The following SLIT3 variants were observed in gnomAD, a reference collection of about 807,000 sequenced individuals.
SLIT3 encodes slit homolog 3 protein.
SLIT3 carries 68 observed loss-of-function variants against 184.0 expected under a neutral mutation model. The ratio of observed to expected loss-of-function variants is 0.37; its 90% CI spans 0.30 to 0.45. The LOEUF (loss-of-function observed/expected upper bound fraction) is 0.45, where lower values mean the gene tolerates loss of function less well. Ranked by LOEUF, SLIT3 falls within the 20% of genes least tolerant of loss-of-function variation. The pLI is 1.00. For synonymous variants in SLIT3, 831 were observed against 828.6 expected, an observed-to-expected ratio of 1.00 and a Z score of -0.05; for missense variants, 1,707 against 2,026.0, an observed-to-expected ratio of 0.84 and a Z score of 3.02.
At chr5:169,023,408 G>C (rs57839638) in intron 4 of SLIT3, among the ~76,000 whole-genome samples, 4 of 152,030 alleles carry the variant, frequency 2.6e-5, no homozygotes, top group African/African-American at 9.7e-5. Context: ...TCATTAAAAG[G>C]ATAATTGTAA....
intron 3 of SLIT3, among the ~76,000 whole-genome samples, chr5:169,233,365 T>A (rs904024235): frequency 3.3e-5 from 5 of 151,912 alleles, no homozygotes; most frequent in Non-Finnish European, 4.4e-5. Flanking sequence ...TAGTTTTTTT[T>A]AATTTCCCAA....
intron 4 of SLIT3, among the ~76,000 whole-genome samples, chr5:169,153,004 C>T (rs916101398): frequency 2.6e-5 from 4 of 152,228 alleles, no homozygotes; most frequent in Non-Finnish European, 5.9e-5. Flanking sequence ...AGGTTAAAAG[C>T]ATTCTAAAAA....
At chr5:169,125,910 C>T (rs1761062180) in intron 4 of SLIT3, among the ~76,000 whole-genome samples, 1 of 152,174 alleles carries the variant, frequency 6.6e-6, no homozygotes, top group African/African-American at 2.4e-5. Context: ...CAGCTTGCTA[C>T]AAGCTGAAAT....
intron 7 of SLIT3, among the ~76,000 whole-genome samples, chr5:168,821,214 C>A (rs1207647831): frequency 1.3e-5 from 2 of 152,218 alleles, no homozygotes; most frequent in Non-Finnish European, 2.9e-5. Context: ...GCAGCCCAAA[C>A]AAAGTACCCC....
chr5:168,671,121 C>T, intron 34 of SLIT3, 77 bp downstream of exon 34: 1 of 1,492,098 alleles, frequency 6.7e-7, no homozygotes, highest in South Asian at 1.2e-5. Context: ...TCCAGTAGTG[C>T]CTATTTCTCA....
intron 5 of SLIT3, among the ~76,000 whole-genome samples, chr5:168,853,509 T>C (rs1441000507): frequency 1.3e-5 from 2 of 152,186 alleles, no homozygotes; most frequent in African/African-American, 2.4e-5. Flanking sequence ...ACATGATAAA[T>C]TGTAGCAATC....
intron 4 of SLIT3, among the ~76,000 whole-genome samples, chr5:169,187,624 G>A (rs963356041): frequency 3.4e-5 from 5 of 145,766 alleles, no homozygotes; most frequent in African/African-American, 1.0e-4. Flanking sequence ...GCACAATCTC[G>A]GCTAACTGCC....
In SLIT3 at chr5:169,157,094, TCC is replaced by T. The variant is rs1762336182; in HGVS notation, c.413+36383_413+36384del. Among the ~76,000 whole-genome samples the T allele has an allele frequency of 2.6e-5, 4 of 152,176 alleles. No homozygotes were observed. The South Asian group carries it at 8.3e-4, about 32-fold the overall frequency. ...GGGAGCCTAGACAAAGTACCCCAAG[TCC>T]CTGCTGGAGTAGTATCAGAGAAGGC... is the stretch of plus-strand genomic sequence containing the variant. On this transcript the variant is annotated intron_variant, in intron 4 of 35. Coordinates refer to ENST00000519560, the MANE Select transcript of SLIT3 (RefSeq NM_003062.4).
At chr5:169,089,318 AGT>A (rs1446868234) in intron 4 of SLIT3, among the ~76,000 whole-genome samples, 3 of 152,112 alleles carry the variant, frequency 2.0e-5, no homozygotes, top group Non-Finnish European at 4.4e-5. Flanking sequence ...TCTTCCTGAG[AGT>A]GTCTAAAGCC....
At chr5:169,235,404 A>G (rs1283293597) in intron 3 of SLIT3, among the ~76,000 whole-genome samples, 3 of 152,192 alleles carry the variant, frequency 2.0e-5, no homozygotes, top group African/African-American at 7.2e-5. Context: ...AACTTTTTAT[A>G]TTAGAATAGA....
At chr5:168,944,818 T>C (rs1370971387) in intron 4 of SLIT3, among the ~76,000 whole-genome samples, 2 of 152,184 alleles carry the variant, frequency 1.3e-5, no homozygotes, top group Non-Finnish European at 2.9e-5. Flanking sequence ...GTATGGTGAC[T>C]TGATGGCTCT....
chr5:169,000,150 T>C (rs757142890), intron 4 of SLIT3, among the ~76,000 whole-genome samples: 15 of 151,996 alleles, frequency 9.9e-5, no homozygotes, highest in Non-Finnish European at 2.2e-4. Flanking sequence ...TCCCAGCACT[T>C]TGGGAGGCTG....
At chr5:169,263,540 T>G (rs1581115906) in intron 1 of SLIT3, 16 of 417,536 alleles carry the variant, frequency 3.8e-5, no homozygotes, top group South Asian at 2.8e-4. Flanking sequence ...AATTTCAGAT[T>G]GCGAGGCTCC....
At chr5:168,795,606 TTA>T in intron 9 of SLIT3, 28 bp from the exon 10 acceptor site, 1 of 1,579,806 alleles carries the variant, frequency 6.3e-7, no homozygotes, top group Non-Finnish European at 8.7e-7. Context: ...GAAGAGTGAA[TTA>T]ACCATCCACC....
At chr5:168,713,141 T>C (rs4868530) in intron 23 of SLIT3, among the ~76,000 whole-genome samples, 23,255 of 152,172 alleles carry the variant, frequency 0.15, 2,390 homozygotes, top group Non-Finnish European at 0.22. Context: ...CGAACACTCA[T>C]TGTTATGGAA....
At position 169,026,020 on chromosome 5, in the gene SLIT3, C is replaced by T. The variant is rs544886742; in HGVS notation, c.414-142684G>A. On this transcript the variant is annotated intron_variant, in intron 4 of 35. Transcript: ENST00000519560. ...CACCAGCCTGTCTCCTCTCCCCATG[C>T]TCTTGCTGGCATCCATTAGCCTTTG... Among the ~76,000 whole-genome samples the T allele has an allele frequency of 1.2e-4, 19 of 152,304 alleles. No individual in the cohort carries two copies. The South Asian group carries it at 3.7e-3, about 30-fold the overall frequency.
At chr5:168,674,728 G>A (rs565402292) in intron 32 of SLIT3, among the ~76,000 whole-genome samples, 18 of 152,096 alleles carry the variant, frequency 1.2e-4, no homozygotes, top group African/African-American at 3.4e-4. Flanking sequence ...CTGACCTCAC[G>A]TGATCCACTT....
intron 25 of SLIT3, 168 bp from the exon 26 acceptor site, chr5:168,708,268 T>C (rs1346496170): frequency 5.2e-6 from 4 of 774,548 alleles, no homozygotes; most frequent in Admixed American, 5.2e-5. Context: ...CCAGCTAGAG[T>C]CCCATTAATT....
intron 4 of SLIT3, among the ~76,000 whole-genome samples, chr5:169,180,401 C>T (rs6898017): frequency 0.11 from 16,892 of 152,148 alleles, 1,902 homozygotes; most frequent in African/African-American, 0.27. Flanking sequence ...GAACTTTTAA[C>T]TGGGGAAAAG....
Sources: gnomAD v4.1 joint callset for allele counts (sites outside exome capture counted in the v4.1 genomes callset) on GRCh38, gnomAD v4.1.1 for gene constraint, MANE v1.5 for transcripts, NCBI Gene and HGNC (gene_info 2026-07-23, HGNC 2026-07-21) for gene names.